Variants in ADAMTSL1 observed in about 807,000 individuals in gnomAD.
ADAMTSL1 encodes the protein ADAMTS-like protein 1.
In ADAMTSL1, 126 loss-of-function variants were observed where a neutral mutation model predicts 201.8. The observed-to-expected ratio is 0.62, with a 90% confidence interval of 0.54 to 0.72. The LOEUF (loss-of-function observed/expected upper bound fraction) is 0.72, where lower values mean the gene tolerates loss of function less well. Among genes scored for constraint, ADAMTSL1 ranks in the 30% least tolerant of loss-of-function variants. The pLI, the probability that ADAMTSL1 is intolerant of heterozygous loss-of-function variation, is 0.00. For missense variants in ADAMTSL1, 2,679 were observed against 2,277.8 expected (o/e 1.18, Z -3.59); for synonymous variants, 1,121 against 903.4 (o/e 1.24, Z -4.32).
intron 4 of ADAMTSL1, among the ~76,000 whole-genome samples, chr9:18,603,707 G>C (rs62548417): frequency 0.021 from 3,162 of 152,014 alleles, 53 homozygotes; most frequent in African/African-American, 0.041. Context: ...TTTTATTATA[G>C]TAAAATGTAA....
At chr9:18,774,617 A>T (rs1820874696) in intron 17 of ADAMTSL1, among the ~76,000 whole-genome samples, 1 of 152,188 alleles carries the variant, frequency 6.6e-6, no homozygotes. Flanking sequence ...CTGTAATTAC[A>T]ATTCTATAAA....
At chr9:18,653,928 G>C (rs1175170479) in intron 7 of ADAMTSL1, among the ~76,000 whole-genome samples, 1 of 152,212 alleles carries the variant, frequency 6.6e-6, no homozygotes, top group African/African-American at 2.4e-5. Flanking sequence ...TTCCAAGGAG[G>C]GTAGAAAGTG....
chr9:18,160,594 A>T (rs1484621067), intron 1 of ADAMTSL1, among the ~76,000 whole-genome samples: 2 of 152,024 alleles, frequency 1.3e-5, no homozygotes, highest in Non-Finnish European at 2.9e-5. Context: ...AATGTAAAGT[A>T]ACCATGTTTT....
chr9:18,034,308 C>G (rs1253619114), intron 1 of ADAMTSL1, among the ~76,000 whole-genome samples: 1 of 152,084 alleles, frequency 6.6e-6, no homozygotes, highest in Non-Finnish European at 1.5e-5. Context: ...CACTGAAACT[C>G]CTTTCTTTAA....
At chr9:18,131,380 C>T (rs1483047175) in intron 1 of ADAMTSL1, among the ~76,000 whole-genome samples, 1 of 152,010 alleles carries the variant, frequency 6.6e-6, no homozygotes, top group Non-Finnish European at 1.5e-5. Context: ...AGAACATGAC[C>T]ACAGCATTAC....
chr9:18,316,256 C>T (rs1563881974), intron 2 of ADAMTSL1, among the ~76,000 whole-genome samples: 1 of 152,096 alleles, frequency 6.6e-6, no homozygotes, highest in Non-Finnish European at 1.5e-5. Flanking sequence ...AAGTTTCGGG[C>T]ACCATTGTCA....
At chr9:18,682,891 C>A (rs953546315) in intron 12 of ADAMTSL1, among the ~76,000 whole-genome samples, 1 of 152,080 alleles carries the variant, frequency 6.6e-6, no homozygotes, top group Non-Finnish European at 1.5e-5. Flanking sequence ...GCATCTCTCT[C>A]GAAGCCTTGG....
At chr9:18,328,057 A>G (rs1479559199) in intron 2 of ADAMTSL1, among the ~76,000 whole-genome samples, 1 of 152,246 alleles carries the variant, frequency 6.6e-6, no homozygotes, top group Non-Finnish European at 1.5e-5. Flanking sequence ...ATAATGTTGT[A>G]GTACATCTCT....
rs1827316148 is a variant in ADAMTSL1, at chr9:18,639,543, A to G, written c.834+132A>G. ...CCGTTTGTTACCCAGGAAATGTTTAATCTGAGGGTGTTGAGCTAGCTGCAT... is the reference window on the plus strand; with the variant it reads ...CCGTTTGTTACCCAGGAAATGTTTAGTCTGAGGGTGTTGAGCTAGCTGCAT... On this transcript the variant is annotated intron_variant, in intron 7 of 28. Transcript: ENST00000380548. 5.6e-6 allele frequency: 6 copies of G among 1,063,394 alleles called. No individual in the cohort carries two copies. In the East Asian group the frequency reaches 1.5e-4, roughly 27 times the overall value. The allele number at this position is 1,063,394 out of a possible 1,614,324, so 65.9% of individuals were successfully genotyped here.
chr9:18,118,272 G>T (rs1040258006), intron 1 of ADAMTSL1, among the ~76,000 whole-genome samples: 1 of 152,172 alleles, frequency 6.6e-6, no homozygotes. Context: ...TGCTGCACAA[G>T]GATTCCAACC....
rs1830519137 is a variant in ADAMTSL1 at position 18,910,045 on chromosome 9, AC to A, written c.*1500del. 1 of 152,124 alleles carries A rather than the reference AC, an allele frequency of 6.6e-6. No homozygotes were observed. Among genetic ancestry groups the A allele is most frequent in the South Asian group, 2.1e-4 (1 of 4,822 alleles). The allele number at this position is 152,124 out of a possible 1,614,324, so 9.4% of individuals were successfully genotyped here. ...GGAGCAAGGGTGGCCAGAGTCCCTT[AC>A]CCACAGATAAGCCTCCCCTCATGAA... On this transcript the variant is annotated 3_prime_UTR_variant, in exon 29 of 29. Transcript: ENST00000380548.
chr9:18,053,755 C>T (rs1171204253), intron 1 of ADAMTSL1, among the ~76,000 whole-genome samples: 2 of 152,194 alleles, frequency 1.3e-5, no homozygotes, highest in East Asian at 3.9e-4. Context: ...TCCGAGTTTA[C>T]TGAGCACTCT....
At chr9:18,375,839 T>G (rs1468242473) in intron 2 of ADAMTSL1, among the ~76,000 whole-genome samples, 1 of 152,196 alleles carries the variant, frequency 6.6e-6, no homozygotes, top group Non-Finnish European at 1.5e-5. Context: ...TACAGAGTGC[T>G]GATTGGTCCA....
At chr9:18,053,415 A>G (rs141172113) in intron 1 of ADAMTSL1, among the ~76,000 whole-genome samples, 19 of 152,366 alleles carry the variant, frequency 1.2e-4, no homozygotes, top group African/African-American at 4.1e-4. Flanking sequence ...TAAAGAGATT[A>G]ATGTATTTCT....
chr9:18,585,579 A>G (rs1047626832), intron 4 of ADAMTSL1, among the ~76,000 whole-genome samples: 5 of 152,190 alleles, frequency 3.3e-5, no homozygotes, highest in African/African-American at 1.2e-4. Context: ...TATTATTTCT[A>G]TTATATGACA....
chr9:18,678,189 A>T (rs749381186), intron 10 of ADAMTSL1, among the ~76,000 whole-genome samples: 1 of 152,106 alleles, frequency 6.6e-6, no homozygotes, highest in Non-Finnish European at 1.5e-5. Context: ...AATTTCTTAA[A>T]CACACTCTGT....
intron 13 of ADAMTSL1, among the ~76,000 whole-genome samples, chr9:18,700,587 G>C (rs1831867832): frequency 1.3e-5 from 2 of 152,058 alleles, no homozygotes; most frequent in Admixed American, 6.5e-5. Context: ...CCAGAATCAG[G>C]GGAAGGATCA....
chr9:18,587,981 A>G (rs577095220), intron 4 of ADAMTSL1, among the ~76,000 whole-genome samples: 12 of 152,306 alleles, frequency 7.9e-5, no homozygotes, highest in African/African-American at 2.9e-4. Context: ...TCATTTGGAT[A>G]TATAACCAGT....
intron 20 of ADAMTSL1, among the ~76,000 whole-genome samples, chr9:18,809,898 G>C (rs2131140919): frequency 6.6e-6 from 1 of 152,334 alleles, no homozygotes; most frequent in Middle Eastern, 3.4e-3. Flanking sequence ...TCATGTTTTA[G>C]CAAGATCACG....
Sources: allele counts gnomAD v4.1 joint callset (sites outside exome capture counted in the v4.1 genomes callset), GRCh38; gene constraint gnomAD v4.1.1; transcripts MANE v1.5; gene names NCBI Gene and HGNC (gene_info 2026-07-23, HGNC 2026-07-21).